Variants in FAR2 observed in about 807,000 individuals in gnomAD.
FAR2 encodes epididymis secretory protein Li 81.
FAR2 carries 19 observed loss-of-function variants against 56.0 expected under a neutral mutation model. The observed-to-expected ratio is 0.34, with a 90% confidence interval of 0.24 to 0.50. The LOEUF is 0.50. FAR2 is among the 20% of genes least tolerant of loss of function. The probability of loss-of-function intolerance (pLI) is 0.98; values close to 1 mark genes in which losing one functional copy is unlikely to be tolerated. For synonymous variants in FAR2, 219 were observed against 218.8 expected, an observed-to-expected ratio of 1.00 and a Z score of -0.01; for missense variants, 508 against 642.2, an observed-to-expected ratio of 0.79 and a Z score of 2.26.
In FAR2 at chr12:29,333,684, C is replaced by T. The variant is rs148289062; in HGVS notation, c.1438C>T (p.Arg480Cys). 4.1e-5 allele frequency: 66 copies of T among 1,613,754 alleles called. No individual in the cohort carries two copies. Among genetic ancestry groups the T allele is most frequent in the East Asian group, 3.6e-4 (16 of 44,876 alleles). ...TACTGCCCTCTTCCTTATCGCCTGG[C>T]GCCTTCTCATTGCAAGATCTCAGAT... Reference protein sequence around the residue: ...FNTALFLIAWRLLIARSQMAR... With the variant: ...FNTALFLIAWCLLIARSQMAR... Residue 480 changes from arginine (R) to cysteine (C), a missense_variant, in exon 12 of 12, where the codon CGC (arginine) becomes TGC (cysteine). Physicochemically the swap from Arg to Cys is radical, Grantham distance 180. Coordinates refer to ENST00000536681, the MANE Select transcript of FAR2 (RefSeq NM_001271783.2).
intron 1 of FAR2, among the ~76,000 whole-genome samples, chr12:29,161,309 C>A (rs1949779786): frequency 6.6e-6 from 1 of 152,222 alleles, no homozygotes; most frequent in African/African-American, 2.4e-5. Context: ...CCCAGATTAT[C>A]CACTGTCTTG....
intron 1 of FAR2, among the ~76,000 whole-genome samples, chr12:29,267,625 A>G (rs1948539876): frequency 6.6e-6 from 1 of 152,220 alleles, no homozygotes; most frequent in Non-Finnish European, 1.5e-5. Context: ...TCCAAGTGCT[A>G]AATTCTTGAG....
At chr12:29,236,155 C>T (rs1947938049) in intron 1 of FAR2, among the ~76,000 whole-genome samples, 1 of 152,130 alleles carries the variant, frequency 6.6e-6, no homozygotes, top group African/African-American at 2.4e-5. Flanking sequence ...TCACACTGTA[C>T]CCTATAAAAA....
intron 1 of FAR2, among the ~76,000 whole-genome samples, chr12:29,174,091 C>T (rs1949913133): frequency 6.6e-6 from 1 of 152,152 alleles, no homozygotes; most frequent in Non-Finnish European, 1.5e-5. Flanking sequence ...AGTGGAGGGC[C>T]ATACCCCGAG....
chr12:29,179,587 C>T (rs567926023), intron 1 of FAR2, among the ~76,000 whole-genome samples: 14 of 152,302 alleles, frequency 9.2e-5, no homozygotes, highest in Admixed American at 3.9e-4. Flanking sequence ...CCTTTGTTCA[C>T]TTTCCACAAC....
At chr12:29,149,881 C>T (rs993154221) in intron 1 of FAR2, among the ~76,000 whole-genome samples, 5 of 152,162 alleles carry the variant, frequency 3.3e-5, no homozygotes, top group Non-Finnish European at 7.4e-5. Context: ...AGGTCCCCTC[C>T]CGGTGCCTGG....
rs3222956 is a variant in FAR2, at chr12:29,194,521, CCACACACA to C, written c.-39+45146_-39+45153del. Among the ~76,000 whole-genome samples, 193 of 140,890 alleles carry C rather than the reference CCACACACA, an allele frequency of 1.4e-3. 1 individual carries two copies. Among genetic ancestry groups the C allele is most frequent in the African/African-American group, 1.8e-3 (70 of 37,844 alleles). 92.4% of individuals were successfully genotyped at this position (140,890 alleles called of 152,430 possible). Reference sequence around the variant, plus strand: ...GATTTAGGTTTCCAGGCTAGTGATGCCACACACACACACACACACACACACACACACAC... The same window carrying C: ...GATTTAGGTTTCCAGGCTAGTGATGCCACACACACACACACACACACACAC... On this transcript the variant is annotated intron_variant, in intron 1 of 11. Transcript: ENST00000536681.
At chr12:29,261,863 A>G (rs1260847002) in intron 1 of FAR2, among the ~76,000 whole-genome samples, 3 of 152,230 alleles carry the variant, frequency 2.0e-5, no homozygotes, top group African/African-American at 7.2e-5. Context: ...ACCTTCCCAG[A>G]CAAACAAAAG....
At chr12:29,215,331 G>A (rs1364025520) in intron 1 of FAR2, among the ~76,000 whole-genome samples, 3 of 152,168 alleles carry the variant, frequency 2.0e-5, no homozygotes, top group Non-Finnish European at 4.4e-5. Context: ...TAGAAACAAA[G>A]AAAGGGAAAG....
intron 3 of FAR2, 80 bp from the exon 4 acceptor site, chr12:29,296,941 G>A: frequency 7.5e-7 from 1 of 1,339,742 alleles, no homozygotes; most frequent in Non-Finnish European, 1.0e-6. Flanking sequence ...AGGTATGCCA[G>A]TTATTGGAGT....
At chr12:29,168,082 A>G (rs1385597220) in intron 1 of FAR2, among the ~76,000 whole-genome samples, 63 of 152,188 alleles carry the variant, frequency 4.1e-4, no homozygotes, top group Admixed American at 4.1e-3. Flanking sequence ...AAAGTAGCAG[A>G]GGGTGGGATC....
At chr12:29,248,335 A>G (rs549761005) in intron 1 of FAR2, among the ~76,000 whole-genome samples, 111 of 152,316 alleles carry the variant, frequency 7.3e-4, no homozygotes, top group Middle Eastern at 6.8e-3. Flanking sequence ...GGGACAGAGT[A>G]CAAAAGAGAG....
At chr12:29,267,053 T>A (rs979840520) in intron 1 of FAR2, among the ~76,000 whole-genome samples, 2 of 152,108 alleles carry the variant, frequency 1.3e-5, no homozygotes, top group African/African-American at 4.8e-5. Context: ...ATGCCTAATA[T>A]CCTATTAAAG....
At chr12:29,329,297 T>A (rs900581889) in intron 10 of FAR2, among the ~76,000 whole-genome samples, 31 of 152,230 alleles carry the variant, frequency 2.0e-4, no homozygotes, top group Non-Finnish European at 4.4e-5. Flanking sequence ...TATCCTTATG[T>A]ATTTTCTCCA....
intron 1 of FAR2, 150 bp from the exon 2 acceptor site, chr12:29,270,262 G>A: frequency 2.0e-6 from 1 of 509,166 alleles, no homozygotes. Context: ...ATTGGAATGA[G>A]TCGTATTGCT....
chr12:29,236,727 T>G (rs1947949020), intron 1 of FAR2, among the ~76,000 whole-genome samples: 1 of 151,868 alleles, frequency 6.6e-6, no homozygotes, highest in Non-Finnish European at 1.5e-5. Flanking sequence ...GGGATTACAA[T>G]TCCAGATGAG....
chr12:29,150,722 A>G (rs1309271459), intron 1 of FAR2, among the ~76,000 whole-genome samples: 2 of 152,298 alleles, frequency 1.3e-5, no homozygotes, highest in East Asian at 3.9e-4. Context: ...CGCGTGTGTC[A>G]ATATTTCATC....
intron 2 of FAR2, 83 bp downstream of exon 2, chr12:29,270,721 T>C: frequency 1.6e-6 from 2 of 1,243,018 alleles, no homozygotes; most frequent in Non-Finnish European, 2.1e-6. Flanking sequence ...TAGTCTCATA[T>C]TGCAAGTGGG....
chr12:29,213,575 A>C (rs1947581901), intron 1 of FAR2, among the ~76,000 whole-genome samples: 1 of 151,894 alleles, frequency 6.6e-6, no homozygotes. Flanking sequence ...CTGTAATCCC[A>C]GCTACTCAGG....
Sources: allele counts gnomAD v4.1 joint callset (sites outside exome capture counted in the v4.1 genomes callset), GRCh38; gene constraint gnomAD v4.1.1; transcripts MANE v1.5; gene names NCBI Gene and HGNC (gene_info 2026-07-23, HGNC 2026-07-21).